The following GPHN variants were observed in gnomAD, a reference collection of about 807,000 sequenced individuals.
The protein encoded by GPHN is gephyrin.
A neutral mutation model predicts 95.5 loss-of-function variants in GPHN; 17 were observed. The ratio of observed to expected loss-of-function variants is 0.18; its 90% confidence interval spans 0.12 to 0.27. The LOEUF (loss-of-function observed/expected upper bound fraction) is 0.27, where lower values mean the gene tolerates loss of function less well. GPHN is among the 10% of genes least tolerant of loss of function. GPHN has a pLI of 1.00. For synonymous variants in GPHN, 320 were observed against 322.5 expected (o/e 0.99, Z 0.08); for missense variants, 660 against 978.1 (o/e 0.67, Z 4.34).
chr14:67,141,154 T>C (rs1197509031), intron 17 of GPHN, among the ~76,000 whole-genome samples: 2 of 152,180 alleles, frequency 1.3e-5, no homozygotes, highest in Admixed American at 6.5e-5. Context: ...GCCCTTCTCC[T>C]TGGGAGCTTG....
the GPHN span, among the ~76,000 whole-genome samples, chr14:67,214,262 T>A: frequency 1.3e-5 from 2 of 152,218 alleles, no homozygotes; most frequent in African/African-American, 4.8e-5. Context: ...CTGAATGGTA[T>A]TGCCTAGGTT....
At chr14:67,462,855 C>G in the GPHN span, among the ~76,000 whole-genome samples, 6 of 152,144 alleles carry the variant, frequency 3.9e-5, no homozygotes, top group Non-Finnish European at 4.4e-5. Context: ...CATCCTTGGC[C>G]TGGGGAGAAG....
chr14:67,680,689 G>A, the GPHN span, among the ~76,000 whole-genome samples: 1 of 152,088 alleles, frequency 6.6e-6, no homozygotes, highest in Admixed American at 6.6e-5. Context: ...GAACTCCTGG[G>A]CTCAAGTAGT....
chr14:67,074,876 TTAAGGACAGA>T (rs546945151), intron 11 of GPHN, among the ~76,000 whole-genome samples: 2 of 152,272 alleles, frequency 1.3e-5, no homozygotes, highest in African/African-American at 4.8e-5. Context: ...CTTATGAGCT[TTAAGGACAGA>T]ATACATCTCC....
the GPHN span, among the ~76,000 whole-genome samples, chr14:67,498,459 CT>C: frequency 6.6e-6 from 1 of 152,176 alleles, no homozygotes; most frequent in Non-Finnish European, 1.5e-5. Flanking sequence ...TTATTTCTTT[CT>C]CCTTTAGAGT....
At chr14:66,775,993 A>G (rs1019355202) in intron 2 of GPHN, among the ~76,000 whole-genome samples, 22 of 152,198 alleles carry the variant, frequency 1.4e-4, no homozygotes, top group African/African-American at 3.9e-4. Context: ...CTAATGCAAG[A>G]TGTTAATAAC....
chr14:67,251,771 G>A, the GPHN span, among the ~76,000 whole-genome samples: 2 of 152,180 alleles, frequency 1.3e-5, no homozygotes, highest in Admixed American at 1.3e-4. Context: ...GAATGAGGGT[G>A]ATAAGAGCAT....
intron 4 of GPHN, among the ~76,000 whole-genome samples, chr14:66,843,294 A>T (rs1044664724): frequency 1.3e-5 from 2 of 152,006 alleles, no homozygotes; most frequent in East Asian, 3.9e-4. Flanking sequence ...GCTCCCCTAC[A>T]ATTCCCCTAT....
At chr14:67,562,855 C>T in the GPHN span, 1 of 1,613,504 alleles carries the variant, frequency 6.2e-7, no homozygotes, top group South Asian at 1.1e-5. Flanking sequence ...AGCTGGGTAA[C>T]AAGCCACCTA....
the GPHN span, among the ~76,000 whole-genome samples, chr14:67,561,125 G>T: frequency 3.7e-4 from 57 of 152,330 alleles, no homozygotes; most frequent in African/African-American, 1.3e-3. Flanking sequence ...TTCTTTGGAT[G>T]TACATCTCAG....
intron 1 of GPHN, among the ~76,000 whole-genome samples, chr14:66,552,703 C>G (rs746809426): frequency 5.3e-5 from 8 of 152,060 alleles, no homozygotes; most frequent in Non-Finnish European, 1.0e-4. Flanking sequence ...ATATAAAATT[C>G]TAGGTCGATA....
At chr14:66,558,691 TCTTA>T (rs2140249873) in intron 1 of GPHN, among the ~76,000 whole-genome samples, 1 of 152,246 alleles carries the variant, frequency 6.6e-6, no homozygotes, top group African/African-American at 2.4e-5. Flanking sequence ...GTAATGCTAT[TCTTA>T]CTAAGTTAAT....
chr14:67,315,477 C>T, the GPHN span, among the ~76,000 whole-genome samples: 10 of 151,808 alleles, frequency 6.6e-5, no homozygotes, highest in African/African-American at 1.7e-4. Flanking sequence ...GGGGTTTCAC[C>T]GTGTTAGCCA....
intron 1 of GPHN, among the ~76,000 whole-genome samples, chr14:66,603,648 G>A (rs1209500319): frequency 6.6e-6 from 1 of 151,808 alleles, no homozygotes; most frequent in African/African-American, 2.4e-5. Context: ...TATATTGAAT[G>A]TACCTTGCAA....
the GPHN span, among the ~76,000 whole-genome samples, chr14:67,604,536 C>CAAA: frequency 1.9e-5 from 1 of 53,446 alleles, no homozygotes; most frequent in African/African-American, 4.6e-5. Context: ...CTCTACCAAA[C>CAAA]AAAAAACAAA....
the GPHN span, chr14:67,333,440 T>TG: frequency 2.6e-5 from 4 of 152,788 alleles, no homozygotes; most frequent in Admixed American, 2.6e-4. Flanking sequence ...AGGAAACTAA[T>TG]TTAGTCATCA....
chr14:67,587,046 T>C, the GPHN span: 1 of 1,557,488 alleles, frequency 6.4e-7, no homozygotes, highest in South Asian at 1.2e-5. Flanking sequence ...GCTAGTTCAA[T>C]TCCTTCACAT....
At chr14:67,603,763 C>T in the GPHN span, among the ~76,000 whole-genome samples, 6 of 152,192 alleles carry the variant, frequency 3.9e-5, no homozygotes, top group South Asian at 4.1e-4. Context: ...CCACAACCTC[C>T]GCATTCCAGG....
the GPHN span, among the ~76,000 whole-genome samples, chr14:67,673,072 G>A: frequency 1.3e-5 from 2 of 152,224 alleles, no homozygotes; most frequent in African/African-American, 4.8e-5. Context: ...TCCTCAGAGA[G>A]GACTTTCACA....
Sources: allele counts gnomAD v4.1 joint callset (sites outside exome capture counted in the v4.1 genomes callset), GRCh38; gene constraint gnomAD v4.1.1; transcripts MANE v1.5; gene names NCBI Gene and HGNC (gene_info 2026-07-23, HGNC 2026-07-21).